The following MFAP1 variants were observed in gnomAD, a reference collection of about 807,000 sequenced individuals.
The protein encoded by MFAP1 is microfibrillar-associated protein 1.
In MFAP1, 18 loss-of-function variants were observed where a neutral mutation model predicts 62.2. That is an observed-to-expected ratio of 0.29 (90% confidence interval 0.20 to 0.43). The LOEUF (loss-of-function observed/expected upper bound fraction) is 0.43, where lower values mean the gene tolerates loss of function less well. Ranked by LOEUF, MFAP1 falls within the 20% of genes least tolerant of loss-of-function variation. MFAP1 has a pLI of 1.00. For synonymous variants in MFAP1, 175 were observed against 180.4 expected (o/e 0.97, Z 0.24); for missense variants, 355 against 559.7 (o/e 0.63, Z 3.69).
intron 4 of MFAP1, 127 bp downstream of exon 4, chr15:43,814,374 A>G (rs891614242): frequency 3.9e-6 from 4 of 1,016,476 alleles, no homozygotes; most frequent in African/African-American, 3.2e-5. Context: ...CCAAGGGTAG[A>G]GCACTAGCAA....
At chr15:43,822,690 G>A (rs2087473730) in intron 1 of MFAP1, among the ~76,000 whole-genome samples, 1 of 152,022 alleles carries the variant, frequency 6.6e-6, no homozygotes, top group South Asian at 2.1e-4. Flanking sequence ...TTAACAGACA[G>A]GGTCTTGATC....
chr15:43,811,622 C>A (rs1046222730), intron 6 of MFAP1, among the ~76,000 whole-genome samples: 12 of 151,340 alleles, frequency 7.9e-5, no homozygotes, highest in African/African-American at 2.9e-4. Context: ...ATTCTCTTGC[C>A]TCCGCCTCCC....
chr15:43,818,572 G>T (rs1306748312), intron 1 of MFAP1, among the ~76,000 whole-genome samples: 3 of 147,218 alleles, frequency 2.0e-5, no homozygotes, highest in Admixed American at 2.0e-4. Flanking sequence ...TTTAGCCCAA[G>T]ACTAGAAGGA....
At chr15:43,805,592 A>T (rs1294712066) in intron 7 of MFAP1, 127 bp from the exon 8 acceptor site, 1 of 699,658 alleles carries the variant, frequency 1.4e-6, no homozygotes, top group Non-Finnish European at 2.3e-6. Context: ...TCAAGAGCTT[A>T]CATCTAGTTG....
rs568880077 is a variant in MFAP1, at chr15:43,806,873, A to AAAAT, written c.1048-1412_1048-1409dup. 4.6e-3 allele frequency among the ~76,000 whole-genome samples: 694 copies of AAAAT among 151,684 alleles called. 3 individuals carry two copies. Among genetic ancestry groups the AAAAT allele is most frequent in the African/African-American group, 0.014 (559 of 41,364 alleles). Reference sequence around the variant, plus strand: ...GGTGACAGAGCGAGATTCCATCTCAAAAATAAATAAATAAATAAATAAATG... The same window carrying AAAAT: ...GGTGACAGAGCGAGATTCCATCTCAAAAATAAATAAATAAATAAATAAATAAATG... On this transcript the variant is annotated intron_variant, in intron 7 of 8. Transcript: ENST00000267812.
At chr15:43,815,470 G>A (rs1245022203) in intron 2 of MFAP1, among the ~76,000 whole-genome samples, 1 of 152,094 alleles carries the variant, frequency 6.6e-6, no homozygotes, top group African/African-American at 2.4e-5. Context: ...GAGCCACCAT[G>A]TCCATCCAGT....
chr15:43,819,890 G>C (rs1461071946), intron 1 of MFAP1, among the ~76,000 whole-genome samples: 2 of 152,124 alleles, frequency 1.3e-5, no homozygotes, highest in Non-Finnish European at 2.9e-5. Flanking sequence ...GCTCACGCCT[G>C]TAATCCCAGC....
intron 2 of MFAP1, among the ~76,000 whole-genome samples, chr15:43,816,211 CT>C (rs1221625670): frequency 6.6e-5 from 10 of 151,546 alleles, no homozygotes; most frequent in African/African-American, 1.5e-4. Context: ...TTTTTCCCCC[CT>C]GGGCACTGTA....
At chr15:43,820,544 A>G (rs2087461248) in intron 1 of MFAP1, among the ~76,000 whole-genome samples, 1 of 152,232 alleles carries the variant, frequency 6.6e-6, no homozygotes, top group Non-Finnish European at 1.5e-5. Flanking sequence ...TAGATAAAAA[A>G]CTTATTTATA....
intron 7 of MFAP1, among the ~76,000 whole-genome samples, chr15:43,808,572 A>G (rs2087379960): frequency 6.6e-6 from 1 of 152,264 alleles, no homozygotes; most frequent in Non-Finnish European, 1.5e-5. Flanking sequence ...CTTGATTATT[A>G]AAGCTGCGAA....
intron 6 of MFAP1, among the ~76,000 whole-genome samples, chr15:43,810,360 T>C (rs1032035987): frequency 7.0e-6 from 1 of 142,412 alleles, no homozygotes; most frequent in Admixed American, 7.1e-5. Flanking sequence ...TTGCAGTAAC[T>C]TTTTTTTTTT....
intron 7 of MFAP1, among the ~76,000 whole-genome samples, chr15:43,806,170 C>T (rs1215506840): frequency 6.6e-6 from 1 of 152,088 alleles, no homozygotes; most frequent in Non-Finnish European, 1.5e-5. Flanking sequence ...ATTCTCTGCA[C>T]TCAATGTGTT....
At chr15:43,815,183 A>T in intron 2 of MFAP1, 109 bp from the exon 3 acceptor site, 1 of 1,350,208 alleles carries the variant, frequency 7.4e-7, no homozygotes, top group Non-Finnish European at 1.0e-6. Context: ...TTAATACTGA[A>T]GTTTTTTTTT....
intron 2 of MFAP1, among the ~76,000 whole-genome samples, chr15:43,815,456 G>C (rs143961688): frequency 3.3e-5 from 5 of 152,236 alleles, no homozygotes; most frequent in Non-Finnish European, 7.3e-5. Flanking sequence ...GGGATTATAG[G>C]TGTGAGCCAC....
intron 2 of MFAP1, among the ~76,000 whole-genome samples, chr15:43,816,157 A>C (rs1444489345): frequency 6.6e-6 from 1 of 152,184 alleles, no homozygotes. Flanking sequence ...CAGGCAAACA[A>C]ATTCCACTAG....
Position 43,813,305 on chromosome 15 carries a change from CCTT to C in MFAP1, c.667_669del (p.Lys223del). 2 of 1,612,128 alleles carry C rather than the reference CCTT, an allele frequency of 1.2e-6. No individual in the cohort carries two copies. The highest frequency in any genetic ancestry group is 1.7e-6 in the Non-Finnish European group (2 of 1,179,572). On this transcript the variant is annotated inframe_deletion, in exon 5 of 9. Coordinates refer to ENST00000267812, the MANE Select transcript of MFAP1 (RefSeq NM_005926.3). ...ATGCGTTTTGCTTCCTGCTCCAGCT[CCTT>C]CTGTTTCAATGCTTCGGCTTCACGT...
At chr15:43,814,909 A>G (rs774710761) in intron 3 of MFAP1, 36 bp downstream of exon 3, 8 of 1,609,154 alleles carry the variant, frequency 5.0e-6, no homozygotes, top group African/African-American at 1.3e-5. Flanking sequence ...TTTTTCTTAT[A>G]TCCAGAAAAA....
At chr15:43,819,536 A>AT (rs1203877735) in intron 1 of MFAP1, among the ~76,000 whole-genome samples, 3 of 151,946 alleles carry the variant, frequency 2.0e-5, no homozygotes, top group African/African-American at 7.3e-5. Flanking sequence ...TTATTTATTT[A>AT]TTTATTTTTT....
intron 7 of MFAP1, among the ~76,000 whole-genome samples, chr15:43,808,637 C>T (rs2087380357): frequency 6.6e-6 from 1 of 152,252 alleles, no homozygotes; most frequent in Non-Finnish European, 1.5e-5. Context: ...AGTTCATAAT[C>T]TCCACTGAAT....
Sources: allele counts gnomAD v4.1 joint callset (sites outside exome capture counted in the v4.1 genomes callset), GRCh38; gene constraint gnomAD v4.1.1; transcripts MANE v1.5; gene names NCBI Gene and HGNC (gene_info 2026-07-23, HGNC 2026-07-21).